Variants in ALG13 observed in about 807,000 individuals in gnomAD.
ALG13 encodes the protein UDP-N-acetylglucosamine transferase subunit ALG13.
A neutral mutation model predicts 87.8 loss-of-function variants in ALG13; 11 were observed. The ratio of observed to expected loss-of-function variants is 0.13; its 90% CI spans 0.08 to 0.21. The LOEUF (loss-of-function observed/expected upper bound fraction) is 0.21. Among genes scored for constraint, ALG13 ranks in the 10% least tolerant of loss-of-function variants. The pLI, the probability that ALG13 is intolerant of heterozygous loss-of-function variation, is 1.00. For missense variants in ALG13, 756 were observed against 866.1 expected (o/e 0.87, Z 1.60); for synonymous variants, 320 against 306.3 (o/e 1.04, Z -0.47).
chrX:111,690,441 G>A (rs1269353375), intron 3 of ALG13: 1 of 707,979 alleles, frequency 1.4e-6, no homozygotes, highest in African/African-American at 2.3e-5. Flanking sequence ...GGGAATTAAG[G>A]ATTTTAGATA....
chrX:111,725,142 T>A (rs1941835852), intron 15 of ALG13, 81 bp downstream of exon 15: 2 of 1,075,960 alleles, frequency 1.9e-6, no homozygotes, highest in Middle Eastern at 5.1e-4. Context: ...ATTTTTTAAA[T>A]GTATGTCATA....
At chrX:111,689,141 C>T (rs185624527) in intron 3 of ALG13, 2 of 675,429 alleles carry the variant, frequency 3.0e-6, no homozygotes, top group Admixed American at 8.9e-5. Context: ...AAGAAATACT[C>T]TGGGTAGCAG....
At position 111,712,542 on chromosome X, in the gene ALG13, C is replaced by G. The variant is rs1457361938; in HGVS notation, c.932+12C>G. On this transcript the variant is annotated intron_variant, in intron 7 of 26. Coordinates refer to ENST00000394780, the MANE Select transcript of ALG13 (RefSeq NM_001099922.3). ...TCTCTAATTTATAAGTAAGTTATAT[C>G]CTCTTTTCTTTGAGAGTGGGTATGT... is the stretch of plus-strand genomic sequence containing the variant. 1 of 1,121,151 alleles carries G rather than the reference C, an allele frequency of 8.9e-7. No individual in the cohort carries two copies. The highest frequency in any genetic ancestry group is 2.4e-5 in the Admixed American group (1 of 42,403). The allele number at this position is 1,121,151 out of a possible 1,213,427, so 92.4% of individuals were successfully genotyped here.
rs530094379 is a variant in ALG13, at chrX:111,688,632, G to A, written c.383+3529G>A. On this transcript the variant is annotated intron_variant, in intron 3 of 26. Transcript: ENST00000394780. ...CCTAATGTCAAAACTTTACTGGTTT[G>A]AGAAGAATAATCAAAAAGGACTTAT... 7.5e-4 allele frequency: 565 copies of A among 748,459 alleles called. 4 individuals carry two copies. The African/African-American group carries it at 0.012, about 16-fold the overall frequency. The allele number at this position is 748,459 out of a possible 1,213,427, so 61.7% of individuals were successfully genotyped here.
At position 111,760,201 on chromosome X, in the gene ALG13, A is replaced by G; in HGVS notation, c.*202A>G. On this transcript the variant is annotated 3_prime_UTR_variant, in exon 27 of 27. Transcript: ENST00000394780. The stretch of plus-strand genomic sequence containing the variant: ...TTGGGCTGTGACTAAGGAAATTGAG[A>G]TGGATGTACAACTAGCCCCATATTG... 1 of 439,906 alleles carries G rather than the reference A, an allele frequency of 2.3e-6. No individual in the cohort carries two copies. Among genetic ancestry groups the G allele is most frequent in the Non-Finnish European group, 3.7e-6 (1 of 267,481 alleles). The allele number at this position is 439,906 out of a possible 1,213,427, so 36.3% of individuals were successfully genotyped here.
intron 25 of ALG13, among the ~76,000 whole-genome samples, chrX:111,756,913 T>C (rs1258905904): frequency 8.9e-6 from 1 of 112,099 alleles, no homozygotes; most frequent in Non-Finnish European, 1.9e-5. Context: ...TTTATTATAG[T>C]CACATGTGGA....
At chrX:111,747,241 C>T (rs1944322973) in intron 24 of ALG13, among the ~76,000 whole-genome samples, 1 of 112,100 alleles carries the variant, frequency 8.9e-6, no homozygotes, top group Admixed American at 9.5e-5. Context: ...ATTCATCCCC[C>T]AACTCCTGTC....
intron 10 of ALG13, among the ~76,000 whole-genome samples, chrX:111,719,460 G>C (rs1941128886): frequency 8.9e-6 from 1 of 112,317 alleles, no homozygotes; most frequent in Admixed American, 9.4e-5. Flanking sequence ...CGGAAAGCAA[G>C]GTGTATTAGT....
At chrX:111,695,505 A>G (rs971923002) in intron 3 of ALG13, among the ~76,000 whole-genome samples, 4 of 108,760 alleles carry the variant, frequency 3.7e-5, no homozygotes, top group East Asian at 2.9e-4. Context: ...TCTGGGCAAC[A>G]AGAGCGAAAC....
At chrX:111,731,008 A>G (rs1192048461) in intron 21 of ALG13, among the ~76,000 whole-genome samples, 3 of 112,249 alleles carry the variant, frequency 2.7e-5, no homozygotes, top group East Asian at 2.8e-4. Context: ...GAGGTGATAC[A>G]TGTCACTTTC....
chrX:111,720,148 A>G lies in ALG13; in HGVS notation c.1304A>G (p.Asn435Ser), dbSNP rs747478031. Residue 435 changes from asparagine (N) to serine (S), a missense_variant, in exon 11 of 27, where the codon AAT becomes AGT. Asn to Ser is a conservative substitution (Grantham distance 46). Transcript: ENST00000394780. ...GCTGAAAATATACCAGAGGGCTACA[A>G]TAAAGGAACAGAAGAAACAAAGGTT... ...YNAENIPEGY[N>S]KGTEETKSPE... 50 of 1,186,141 alleles carry G rather than the reference A, an allele frequency of 4.2e-5. No individual in the cohort carries two copies. The Admixed American group carries it at 9.9e-4, about 24-fold the overall frequency.
At chrX:111,717,024 T>C (rs1056376746) in intron 8 of ALG13, 4 of 110,262 alleles carry the variant, frequency 3.6e-5, no homozygotes, top group African/African-American at 9.9e-5. Context: ...TAGCACACTA[T>C]AGCTTCAAAC....
intron 3 of ALG13, among the ~76,000 whole-genome samples, chrX:111,687,197 G>A (rs1328262849): frequency 1.8e-5 from 2 of 111,976 alleles, no homozygotes; most frequent in Non-Finnish European, 3.8e-5. Flanking sequence ...CGCCTGCCTT[G>A]GCCTCCCAAA....
At chrX:111,732,616 A>AC (rs1942820281) in intron 21 of ALG13, among the ~76,000 whole-genome samples, 1 of 112,205 alleles carries the variant, frequency 8.9e-6, no homozygotes, top group Non-Finnish European at 1.9e-5. Flanking sequence ...GGGCAATCCT[A>AC]CCATCTATTC....
Position 111,727,398 on chromosome X carries a change from A to G in ALG13, c.2043A>G (p.Pro681=). 1 of 1,209,930 alleles carries G rather than the reference A, an allele frequency of 8.3e-7. No homozygotes were observed. Among genetic ancestry groups the G allele is most frequent in the Non-Finnish European group, 1.1e-6 (1 of 894,268 alleles). The change falls in exon 17 of 27, where the codon CCA becomes CCG. Residue 681 remains proline (P), a synonymous_variant. Coordinates refer to ENST00000394780, the MANE Select transcript of ALG13 (RefSeq NM_001099922.3). ...CTAAAGTTGATTTTTACCCAGGCCC[A>G]GGTAAAAGGTGCTGCCAGAGCTATG... ...PGPKVDFYPG[P]GKRCCQSYDN... is the part of the protein sequence containing the mutation.
intron 15 of ALG13, 145 bp from the exon 16 acceptor site, chrX:111,726,664 A>C: frequency 1.5e-6 from 1 of 662,303 alleles, no homozygotes. Context: ...TATCCTTCAA[A>C]AATACAAAAA....
intron 22 of ALG13, 59 bp from the exon 23 acceptor site, chrX:111,736,655 A>G (rs1291049633): frequency 9.2e-7 from 1 of 1,084,420 alleles, no homozygotes. Flanking sequence ...TTAGGATCAG[A>G]TAATCTACTG....
At chrX:111,683,277 G>T (rs1359046940) in intron 2 of ALG13, among the ~76,000 whole-genome samples, 2 of 108,176 alleles carry the variant, frequency 1.8e-5, no homozygotes, top group Non-Finnish European at 3.8e-5. Flanking sequence ...ACAATCTGGT[G>T]CTGGAGTTTA....
intron 3 of ALG13, among the ~76,000 whole-genome samples, chrX:111,686,441 T>C (rs963307707): frequency 1.8e-5 from 2 of 112,100 alleles, no homozygotes; most frequent in African/African-American, 3.2e-5. Flanking sequence ...GTGCCAGGCA[T>C]TGTTCTAGGC....
Sources: gnomAD v4.1 joint callset for allele counts (sites outside exome capture counted in the v4.1 genomes callset) on GRCh38, gnomAD v4.1.1 for gene constraint, MANE v1.5 for transcripts, NCBI Gene and HGNC (gene_info 2026-07-23, HGNC 2026-07-21) for gene names.